RASEF: variants seen among roughly 807,000 people sequenced by gnomAD.
RASEF encodes the protein RAS and EF-hand domain containing, also known as ras and EF-hand domain-containing protein.
Under a neutral mutation model 90.1 loss-of-function variants are expected in RASEF, and 68 were observed. The observed-to-expected ratio is 0.75, with a 90% CI of 0.62 to 0.92. The LOEUF (loss-of-function observed/expected upper bound fraction) is 0.92, where lower values mean the gene tolerates loss of function less well. Ranked by LOEUF, RASEF falls within the 40% of genes least tolerant of loss-of-function variation. The pLI, the probability that RASEF is intolerant of heterozygous loss-of-function variation, is 0.00. For synonymous variants in RASEF, 331 were observed against 345.2 expected, an observed-to-expected ratio of 0.96 and a Z score of 0.46; for missense variants, 949 against 937.2, an observed-to-expected ratio of 1.01 and a Z score of -0.16.
chr9:83,063,670 G>GA (rs1830255983), upstream of RASEF, among the ~76,000 whole-genome samples: 4 of 152,186 alleles, frequency 2.6e-5, no homozygotes, highest in Admixed American at 2.0e-4. Context: ...CAAAACCTGA[G>GA]AAAAAATTTG....
chr9:83,035,361 C>CT (rs1829721095), intron 1 of RASEF, among the ~76,000 whole-genome samples: 1 of 152,162 alleles, frequency 6.6e-6, no homozygotes, highest in Non-Finnish European at 1.5e-5. Flanking sequence ...ATGAGCCTTG[C>CT]TGTGCTGACC....
chr9:83,081,469 G>A, the RASEF span, among the ~76,000 whole-genome samples: 13 of 152,152 alleles, frequency 8.5e-5, no homozygotes, highest in African/African-American at 2.9e-4. Flanking sequence ...TAAAAACCTC[G>A]TGATGGCACC....
chr9:83,076,211 C>T, the RASEF span, among the ~76,000 whole-genome samples: 10 of 151,290 alleles, frequency 6.6e-5, no homozygotes, highest in African/African-American at 2.4e-4. Flanking sequence ...CTCTGGAAAG[C>T]ATTATATGAT....
the RASEF span, among the ~76,000 whole-genome samples, chr9:83,072,581 T>C: frequency 6.6e-6 from 1 of 152,212 alleles, no homozygotes; most frequent in African/African-American, 2.4e-5. Flanking sequence ...CTTCAGTATG[T>C]GGCCAAAGGC....
At position 83,028,899 on chromosome 9, in the gene RASEF, G is replaced by C. The variant is rs188659056; in HGVS notation, c.432-2978C>G. Among the ~76,000 whole-genome samples, 44 of 152,218 alleles carry C rather than the reference G, an allele frequency of 2.9e-4. No individual in the cohort carries two copies. The East Asian group carries it at 3.9e-3, about 13-fold the overall frequency. On this transcript the variant is annotated intron_variant, in intron 1 of 16. Coordinates refer to ENST00000376447, the MANE Select transcript of RASEF (RefSeq NM_152573.4). ...TCTTACTGGTCACCTTATAAAAAGAGATAGGAACCCAGACATACACACAGA... is the reference window on the plus strand; with the variant it reads ...TCTTACTGGTCACCTTATAAAAAGACATAGGAACCCAGACATACACACAGA...
intron 1 of RASEF, among the ~76,000 whole-genome samples, chr9:83,060,011 C>T (rs931927174): frequency 1.3e-5 from 2 of 152,164 alleles, no homozygotes; most frequent in African/African-American, 4.8e-5. Flanking sequence ...TAATATTTTG[C>T]TTGAAAGATT....
In RASEF at chr9:83,048,672, C is replaced by T. The variant is rs1195139750; in HGVS notation, c.431+13765G>A. ...CCTTGTTTAGGATTGGGAGATTTAACATTTACTTTTTCCATAGTGTTATGC... is the reference window on the plus strand; with the variant it reads ...CCTTGTTTAGGATTGGGAGATTTAATATTTACTTTTTCCATAGTGTTATGC... On this transcript the variant is annotated intron_variant, in intron 1 of 16. Coordinates refer to ENST00000376447, the MANE Select transcript of RASEF (RefSeq NM_152573.4). 9.1e-6 allele frequency: 9 copies of T among 985,260 alleles called. No homozygotes were observed. The South Asian group carries it at 4.2e-4, about 46-fold the overall frequency. 61.0% of individuals were successfully genotyped at this position (985,260 alleles called of 1,614,324 possible). A position where few individuals can be genotyped will look rare whatever the true frequency, so the allele number is the denominator to read the frequency against.
chr9:83,081,099 G>T, the RASEF span, among the ~76,000 whole-genome samples: 31 of 152,102 alleles, frequency 2.0e-4, no homozygotes, highest in Admixed American at 2.0e-3. Flanking sequence ...TCAGGCAGGT[G>T]CTATCATCCT....
the RASEF span, among the ~76,000 whole-genome samples, chr9:83,146,467 C>A: frequency 6.6e-6 from 1 of 152,132 alleles, no homozygotes; most frequent in Non-Finnish European, 1.5e-5. Flanking sequence ...AGAATTGCTG[C>A]TACTTGCTTG....
At chr9:83,008,891 C>CTCATATATATATATATAT (rs57817845) in intron 6 of RASEF, among the ~76,000 whole-genome samples, 4 of 19,560 alleles carry the variant, frequency 2.0e-4, no homozygotes, top group Admixed American at 5.0e-4. Context: ...AAGTTCTCAT[C>CTCATATATATATATATAT]ATATATATAT....
chr9:82,999,364 T>C (rs943906861), intron 12 of RASEF, among the ~76,000 whole-genome samples: 1 of 152,102 alleles, frequency 6.6e-6, no homozygotes, highest in Non-Finnish European at 1.5e-5. Flanking sequence ...CAGAAAGGGT[T>C]TTCCTGGCCA....
intron 1 of RASEF, among the ~76,000 whole-genome samples, chr9:83,049,547 T>TTTA (rs1179533709): frequency 6.8e-6 from 1 of 147,170 alleles, no homozygotes; most frequent in Non-Finnish European, 1.5e-5. Flanking sequence ...TTTTTTTTTT[T>TTTA]TTTTTATTAT....
chr9:83,049,623 C>T (rs1478455574), intron 1 of RASEF, among the ~76,000 whole-genome samples: 1 of 140,626 alleles, frequency 7.1e-6, no homozygotes, highest in Non-Finnish European at 1.5e-5. Flanking sequence ...ATGTGCCATG[C>T]TGGTGCGCTG....
the RASEF span, among the ~76,000 whole-genome samples, chr9:83,170,515 T>C: frequency 1.3e-5 from 2 of 151,962 alleles, no homozygotes; most frequent in Non-Finnish European, 2.9e-5. Flanking sequence ...CTTTGTGTAG[T>C]ATGGATGCTA....
intron 16 of RASEF, among the ~76,000 whole-genome samples, chr9:82,983,814 A>G (rs1389653184): frequency 6.6e-6 from 1 of 152,232 alleles, no homozygotes; most frequent in African/African-American, 2.4e-5. Flanking sequence ...AGAGGCCACC[A>G]GAGTGGCCCT....
At chr9:83,093,823 G>C in the RASEF span, among the ~76,000 whole-genome samples, 1 of 152,262 alleles carries the variant, frequency 6.6e-6, no homozygotes, top group Non-Finnish European at 1.5e-5. Context: ...AGGAGGCGCC[G>C]AGAGCGAGCG....
At chr9:83,118,443 G>C in the RASEF span, among the ~76,000 whole-genome samples, 1 of 152,190 alleles carries the variant, frequency 6.6e-6, no homozygotes, top group Non-Finnish European at 1.5e-5. Flanking sequence ...GGATGAAGGG[G>C]TCAATAAGTC....
At chr9:83,169,085 AT>A in the RASEF span, among the ~76,000 whole-genome samples, 1 of 151,426 alleles carries the variant, frequency 6.6e-6, no homozygotes, top group Non-Finnish European at 1.5e-5. Flanking sequence ...GTGAGAGATC[AT>A]TTTTTTAGCT....
chr9:83,170,713 C>T, the RASEF span, among the ~76,000 whole-genome samples: 7 of 151,794 alleles, frequency 4.6e-5, no homozygotes, highest in Middle Eastern at 6.8e-3. Context: ...ATTTCTTTTT[C>T]GGATAGTTCA....
Sources: gnomAD v4.1 joint callset for allele counts (sites outside exome capture counted in the v4.1 genomes callset) on GRCh38, gnomAD v4.1.1 for gene constraint, MANE v1.5 for transcripts, NCBI Gene and HGNC (gene_info 2026-07-23, HGNC 2026-07-21) for gene names.